The following IGSF10 variants were observed in gnomAD, a reference collection of about 807,000 sequenced individuals.
The protein encoded by IGSF10 is calvaria mechanical force protein 608.
A neutral mutation model predicts 128.2 loss-of-function variants in IGSF10; 126 were observed. The ratio of observed to expected loss-of-function variants is 0.98; its 90% CI spans 0.85 to 1.14. IGSF10 has a LOEUF of 1.14. Ranked by LOEUF, IGSF10 falls within the 50% of genes most tolerant of loss-of-function variation. The pLI is 0.00. For synonymous variants in IGSF10, 1,185 were observed against 1,146.2 expected (o/e 1.03, Z -0.68); for missense variants, 3,295 against 3,149.8 (o/e 1.05, Z -1.10).
chr3:151,530,959 A>G, the IGSF10 span, among the ~76,000 whole-genome samples: 2 of 152,182 alleles, frequency 1.3e-5, no homozygotes, highest in Admixed American at 1.3e-4. Context: ...ACATGCAAAG[A>G]CACACATAGG....
chr3:151,458,586 G>A lies in IGSF10; in HGVS notation c.124C>T (p.His42Tyr). The change falls in exon 3 of 8, where the codon CAC becomes TAC. Residue 42 changes from histidine (H) to tyrosine (Y), a missense_variant. Physicochemically the swap from His to Tyr is moderately conservative, Grantham distance 83. Transcript: ENST00000282466. ...GAAGTCAGGTACCGAAATGTGCAGT[G>A]TACCTCCGTAGGCATATAACAGGCA... ...RCACYMPTEV[H>Y]CTFRYLTSIP... 8 of 1,614,172 alleles carry A rather than the reference G, an allele frequency of 5.0e-6. No homozygotes were observed. The highest frequency in any genetic ancestry group is 1.1e-5 in the South Asian group (1 of 91,082).
the IGSF10 span, among the ~76,000 whole-genome samples, chr3:151,494,570 T>C: frequency 6.6e-6 from 1 of 152,108 alleles, no homozygotes. Context: ...ATAATGTAAA[T>C]ACGACTCAGG....
At chr3:151,587,332 T>C in the IGSF10 span, among the ~76,000 whole-genome samples, 1 of 152,182 alleles carries the variant, frequency 6.6e-6, no homozygotes, top group Non-Finnish European at 1.5e-5. Context: ...CTTGGATTAA[T>C]GTCATCTTGT....
the IGSF10 span, among the ~76,000 whole-genome samples, chr3:151,611,808 C>T: frequency 4.9e-4 from 74 of 152,194 alleles, no homozygotes; most frequent in Admixed American, 4.6e-3. Context: ...TCTTTCCTTC[C>T]GTTTTCAAGA....
At chr3:151,454,521 G>T (rs1471287166) in intron 4 of IGSF10, among the ~76,000 whole-genome samples, 1 of 151,988 alleles carries the variant, frequency 6.6e-6, no homozygotes, top group African/African-American at 2.4e-5. Flanking sequence ...TTGCAGCTGG[G>T]TAATGGTCCA....
At chr3:151,561,901 T>A in the IGSF10 span, among the ~76,000 whole-genome samples, 2 of 152,158 alleles carry the variant, frequency 1.3e-5, no homozygotes, top group Admixed American at 1.3e-4. Flanking sequence ...AAATAAATCA[T>A]TGAAAATGTA....
the IGSF10 span, among the ~76,000 whole-genome samples, chr3:151,602,844 G>C: frequency 6.6e-6 from 1 of 152,200 alleles, no homozygotes; most frequent in Non-Finnish European, 1.5e-5. Context: ...CAGTTGAGAA[G>C]AGATTTTCTT....
the IGSF10 span, among the ~76,000 whole-genome samples, chr3:151,567,567 T>G: frequency 6.6e-6 from 1 of 152,160 alleles, no homozygotes; most frequent in African/African-American, 2.4e-5. Flanking sequence ...CCTGCAGATA[T>G]CAAACAGTGT....
chr3:151,539,766 AT>A, the IGSF10 span, among the ~76,000 whole-genome samples: 7 of 35,710 alleles, frequency 2.0e-4, no homozygotes, highest in East Asian at 4.8e-3. Context: ...TTTCAACAGC[AT>A]CTATCTATCT....
the IGSF10 span, among the ~76,000 whole-genome samples, chr3:151,529,470 C>G: frequency 6.6e-6 from 1 of 152,162 alleles, no homozygotes; most frequent in Non-Finnish European, 1.5e-5. Flanking sequence ...TGGCTAGCAT[C>G]AGGCAGGTGC....
upstream of IGSF10, among the ~76,000 whole-genome samples, chr3:151,463,523 GTTTTTTTTTTTTTTTTTTTT>G (rs745415781): frequency 8.7e-3 from 271 of 31,284 alleles, 6 homozygotes; most frequent in East Asian, 0.15. Context: ...ACATTTTCTG[GTTTTTTTTTTTTTTTTTTTT>G]TTTTTTTTTT....
chr3:151,442,920 A>G, intron 7 of IGSF10, 64 bp downstream of exon 7: 2 of 1,445,776 alleles, frequency 1.4e-6, no homozygotes, highest in South Asian at 2.9e-5. Context: ...CACTTTTTCC[A>G]TTTCAGAAGT....
chr3:151,455,537 A>G (rs1236686382), intron 4 of IGSF10, among the ~76,000 whole-genome samples: 1 of 152,194 alleles, frequency 6.6e-6, no homozygotes, highest in African/African-American at 2.4e-5. Flanking sequence ...GGATTTGCCT[A>G]TTCTAAACAT....
the IGSF10 span, among the ~76,000 whole-genome samples, chr3:151,554,867 G>C: frequency 6.6e-6 from 1 of 152,040 alleles, no homozygotes; most frequent in Non-Finnish European, 1.5e-5. Flanking sequence ...GCTTGCAAGG[G>C]TTCGAGGCTA....
chr3:151,573,072 G>C, the IGSF10 span, among the ~76,000 whole-genome samples: 2 of 152,202 alleles, frequency 1.3e-5, no homozygotes, highest in African/African-American at 2.4e-5. Flanking sequence ...GTTCTAGTTT[G>C]ATTGCACTGT....
At position 151,447,664 on chromosome 3, in the gene IGSF10, C is replaced by A. The variant is rs1430944799; in HGVS notation, c.2317G>T (p.Glu773Ter). Residue 773 changes from glutamate to a stop codon, truncating the protein, a stop_gained, in exon 6 of 8, where the codon GAA becomes TAA. Transcript: ENST00000282466. LOFTEE classifies it high-confidence loss of function. ...GGGGGTGGGCTCACTGTGGTATTTT[C>A]TCGCTTGTCTGGCATAGCATTCTTT... ...AKKNAMPDKR[E>*]NTTVSPPPVV... is the part of the protein sequence containing the mutation. The A allele has an allele frequency of 6.2e-7, 1 of 1,614,152 alleles. No homozygotes were observed. Among genetic ancestry groups the A allele is most frequent in the Non-Finnish European group, 8.5e-7 (1 of 1,180,046 alleles).
chr3:151,448,478 T>C lies in IGSF10; in HGVS notation c.1503A>G (p.Gly501=), dbSNP rs61740046. ...GTVGLNCPGQ[G]DPTPHVDWLL... ...GCCAATCCACGTGTGGGGTGGGGTC[T>C]CCTTGGCCTGGGCAGTTCAGGCCAA... Residue 501 remains glycine (G), a synonymous_variant, in exon 6 of 8, where the codon GGA becomes GGG. Transcript: ENST00000282466. 15 of 1,614,104 alleles carry C rather than the reference T, an allele frequency of 9.3e-6. No homozygotes were observed. The African/African-American group carries it at 1.9e-4, about 20-fold the overall frequency.
the IGSF10 span, among the ~76,000 whole-genome samples, chr3:151,578,178 T>TA: frequency 6.6e-6 from 1 of 152,028 alleles, no homozygotes; most frequent in Non-Finnish European, 1.5e-5. Flanking sequence ...GTTTCTAAAT[T>TA]AAAAAAATGA....
chr3:151,617,587 T>C, the IGSF10 span, among the ~76,000 whole-genome samples: 2 of 152,090 alleles, frequency 1.3e-5, no homozygotes, highest in Non-Finnish European at 2.9e-5. Context: ...GATGAAACTC[T>C]GGACTTTGAA....
Sources: gnomAD v4.1 joint callset for allele counts (sites outside exome capture counted in the v4.1 genomes callset) on GRCh38, gnomAD v4.1.1 for gene constraint, MANE v1.5 for transcripts, NCBI Gene and HGNC (gene_info 2026-07-23, HGNC 2026-07-21) for gene names.